TECRL: variants seen among roughly 807,000 people sequenced by gnomAD.
TECRL encodes the protein trans-2,3-enoyl-CoA reductase like.
A neutral mutation model predicts 52.8 loss-of-function variants in TECRL; 63 were observed. The ratio of observed to expected loss-of-function variants is 1.19; its 90% confidence interval spans 0.97 to 1.47. The LOEUF (loss-of-function observed/expected upper bound fraction) is 1.47, where lower values mean the gene tolerates loss of function less well. Ranked by LOEUF, TECRL falls within the 40% of genes most tolerant of loss-of-function variation. The pLI is 0.00. For synonymous variants in TECRL, 164 were observed against 141.9 expected, an observed-to-expected ratio of 1.16 and a Z score of -1.10; for missense variants, 482 against 429.6, an observed-to-expected ratio of 1.12 and a Z score of -1.08.
chr4:64,328,416 T>C, intron 3 of TECRL, 96 bp downstream of exon 3: 1 of 1,010,360 alleles, frequency 9.9e-7, no homozygotes, highest in Non-Finnish European at 1.5e-6. Flanking sequence ...AATACTAATA[T>C]TTGTATATTT....
chr4:64,349,577 C>T (rs1044618400), intron 2 of TECRL, among the ~76,000 whole-genome samples: 1 of 152,168 alleles, frequency 6.6e-6, no homozygotes, highest in Non-Finnish European at 1.5e-5. Flanking sequence ...TAAGCTTTAA[C>T]ACAATTGCAA....
chr4:64,355,719 T>C (rs1474610875), intron 2 of TECRL, among the ~76,000 whole-genome samples: 1 of 143,872 alleles, frequency 7.0e-6, no homozygotes, highest in Non-Finnish European at 1.5e-5. Flanking sequence ...GGCGTGAAGC[T>C]GGGAGGCGGA....
intron 1 of TECRL, among the ~76,000 whole-genome samples, chr4:64,378,243 T>C (rs1722534145): frequency 6.6e-6 from 1 of 151,646 alleles, no homozygotes; most frequent in East Asian, 1.9e-4. Context: ...TTCAGGAAAA[T>C]GGAAAAAAAT....
At chr4:64,335,848 G>T (rs2110061730) in intron 2 of TECRL, among the ~76,000 whole-genome samples, 1 of 152,296 alleles carries the variant, frequency 6.6e-6, no homozygotes, top group East Asian at 1.9e-4. Context: ...AACCAGCCTT[G>T]CATCCCAGGG....
rs369305052 is a variant in TECRL at position 64,328,053 on chromosome 4, G to A, written c.331+459C>T. ...ATTGATAAATTTCTTGAGATCATAG[G>A]GTTTAAAAATCTGAGAAATTTGAGG... On this transcript the variant is annotated intron_variant, in intron 3 of 11. Transcript: ENST00000381210. 3.3e-5 allele frequency among the ~76,000 whole-genome samples: 5 copies of A among 151,890 alleles called. No homozygotes were observed. The East Asian group carries it at 9.7e-4, about 29-fold the overall frequency.
intron 2 of TECRL, among the ~76,000 whole-genome samples, chr4:64,364,064 C>T (rs1260914506): frequency 7.2e-5 from 11 of 151,978 alleles, no homozygotes; most frequent in Non-Finnish European, 2.9e-5. Flanking sequence ...CAGTTACACT[C>T]AGAGCACAGC....
At chr4:64,373,763 G>A (rs139966360) in intron 2 of TECRL, among the ~76,000 whole-genome samples, 1 of 151,218 alleles carries the variant, frequency 6.6e-6, no homozygotes, top group African/African-American at 2.4e-5. Context: ...TAAACTGTCT[G>A]GAGACACTTT....
intron 1 of TECRL, among the ~76,000 whole-genome samples, chr4:64,405,847 C>T (rs1724681045): frequency 6.6e-6 from 1 of 152,022 alleles, no homozygotes; most frequent in African/African-American, 2.4e-5. Context: ...ACTCAAATAA[C>T]AAATGCTAGT....
intron 2 of TECRL, among the ~76,000 whole-genome samples, chr4:64,367,702 A>C (rs915023669): frequency 1.3e-5 from 2 of 152,160 alleles, no homozygotes; most frequent in African/African-American, 4.8e-5. Context: ...TTTTGTCTAA[A>C]ATTGAAGAAT....
chr4:64,402,123 T>A (rs1388887295), intron 1 of TECRL, among the ~76,000 whole-genome samples: 1 of 152,134 alleles, frequency 6.6e-6, no homozygotes, highest in Non-Finnish European at 1.5e-5. Context: ...AGCCTGGATA[T>A]GACCTATTCT....
chr4:64,377,629 A>C (rs1722495192), intron 1 of TECRL, among the ~76,000 whole-genome samples: 1 of 152,066 alleles, frequency 6.6e-6, no homozygotes, highest in South Asian at 2.1e-4. Flanking sequence ...GGCAAGGCAA[A>C]TGATGTTAGT....
intron 9 of TECRL, among the ~76,000 whole-genome samples, chr4:64,288,549 T>C (rs774536345): frequency 2.0e-5 from 3 of 152,152 alleles, no homozygotes; most frequent in East Asian, 1.9e-4. Flanking sequence ...GTAAGAACAA[T>C]GAACCATTTC....
At chr4:64,338,169 C>G (rs556827912) in intron 2 of TECRL, among the ~76,000 whole-genome samples, 5 of 152,048 alleles carry the variant, frequency 3.3e-5, no homozygotes, top group Non-Finnish European at 7.4e-5. Flanking sequence ...CTGACAAAAA[C>G]AAGAAATAGG....
At chr4:64,338,884 A>G (rs1719331956) in intron 2 of TECRL, among the ~76,000 whole-genome samples, 1 of 152,188 alleles carries the variant, frequency 6.6e-6, no homozygotes, top group African/African-American at 2.4e-5. Context: ...GCGATTCCTC[A>G]GGGATCTAGA....
chr4:64,322,788 C>G lies in TECRL; in HGVS notation c.336G>C (p.Gly112=). 6.3e-7 allele frequency: 1 copy of G among 1,592,438 alleles called. No individual in the cohort carries two copies. The change falls in exon 4 of 12, where the codon GGG becomes GGC. Residue 112 remains glycine (G), a synonymous_variant. Coordinates refer to ENST00000381210, the MANE Select transcript of TECRL (RefSeq NM_001010874.5). Reference sequence around the variant, plus strand: ...TGGTAATGTAGTCCTTCAAAAAAGGCCCGCCTAAAATAAAAATAACAAGAA... The same window carrying G: ...TGGTAATGTAGTCCTTCAAAAAAGGGCCGCCTAAAATAAAAATAACAAGAA... The part of the protein sequence containing the change: ...SRVGLQLECG[G]PFLKDYITIQ...
intron 2 of TECRL, among the ~76,000 whole-genome samples, chr4:64,331,611 A>G (rs1425372494): frequency 1.3e-5 from 2 of 152,174 alleles, no homozygotes; most frequent in Non-Finnish European, 2.9e-5. Flanking sequence ...TGATTGGAAG[A>G]TTTAAAATAA....
intron 1 of TECRL, among the ~76,000 whole-genome samples, chr4:64,386,636 C>T (rs1003731170): frequency 2.0e-5 from 3 of 152,116 alleles, no homozygotes; most frequent in African/African-American, 7.2e-5. Flanking sequence ...ATTTTTATGA[C>T]AGATATTAAT....
intron 1 of TECRL, among the ~76,000 whole-genome samples, chr4:64,382,360 C>T (rs1209828505): frequency 1.4e-5 from 2 of 146,184 alleles, no homozygotes; most frequent in African/African-American, 2.6e-5. Context: ...CACACACTTA[C>T]ACACACATAC....
intron 1 of TECRL, among the ~76,000 whole-genome samples, chr4:64,404,378 C>G (rs900354403): frequency 2.6e-5 from 4 of 151,990 alleles, no homozygotes; most frequent in African/African-American, 4.8e-5. Context: ...ATTGACTTAT[C>G]AGTAGATAAG....
Sources: gnomAD v4.1 joint callset for allele counts (sites outside exome capture counted in the v4.1 genomes callset) on GRCh38, gnomAD v4.1.1 for gene constraint, MANE v1.5 for transcripts, NCBI Gene and HGNC (gene_info 2026-07-23, HGNC 2026-07-21) for gene names.